Variants in AFF2 observed in about 807,000 individuals in gnomAD.
AFF2 encodes AF4/FMR2 family member 2.
In AFF2, 14 loss-of-function variants were observed where a neutral mutation model predicts 76.9. That is an observed-to-expected ratio of 0.18 (90% CI 0.12 to 0.28). The LOEUF (loss-of-function observed/expected upper bound fraction) is 0.28. AFF2 is among the 10% of genes least tolerant of loss of function. The pLI is 1.00. For synonymous variants in AFF2, 398 were observed against 366.7 expected (o/e 1.09, Z -0.98); for missense variants, 868 against 1,001.1 (o/e 0.87, Z 1.79).
At chrX:148,634,135 G>T (rs911252649) in intron 1 of AFF2, among the ~76,000 whole-genome samples, 2 of 111,445 alleles carry the variant, frequency 1.8e-5, no homozygotes, top group Non-Finnish European at 3.8e-5. Flanking sequence ...TTGTTTTCAC[G>T]CTCAATTTTC....
At position 148,955,879 on chromosome X, in the gene AFF2, C is replaced by G. The variant is rs376847375; in HGVS notation, c.1834C>G (p.His612Asp). 295 of 1,209,578 alleles carry G rather than the reference C, an allele frequency of 2.4e-4. No homozygotes were observed. The highest frequency in any genetic ancestry group is 3.2e-4 in the Non-Finnish European group (286 of 895,227). ...AATTCCAGAAACAAAGGCTTTGAAGCATAAGTTGTCAACAACTAGTGAGAC... is the reference window on the plus strand; with the variant it reads ...AATTCCAGAAACAAAGGCTTTGAAGGATAAGTTGTCAACAACTAGTGAGAC... ...QKIPETKALKHKLSTTSETVS... is the reference protein window; with the variant it reads ...QKIPETKALKDKLSTTSETVS... The change falls in exon 11 of 21, where the codon CAT becomes GAT. Residue 612 changes from histidine to aspartate, a missense_variant. Transcript: ENST00000370460.
intron 3 of AFF2, among the ~76,000 whole-genome samples, chrX:148,694,621 G>C (rs991161138): frequency 2.9e-4 from 32 of 111,526 alleles, no homozygotes; most frequent in African/African-American, 1.0e-3. Flanking sequence ...ATGTTTTGCT[G>C]CTTTAACTCC....
At chrX:148,710,175 G>C (rs1557262787) in intron 3 of AFF2, among the ~76,000 whole-genome samples, 1 of 111,973 alleles carries the variant, frequency 8.9e-6, no homozygotes, top group African/African-American at 3.2e-5. Context: ...CATTCAACTA[G>C]TGATGAAATT....
At chrX:148,739,887 T>C (rs7056398) in intron 3 of AFF2, among the ~76,000 whole-genome samples, 7,033 of 111,533 alleles carry the variant, frequency 0.063, 277 homozygotes, top group African/African-American at 0.14. Context: ...AAAAAGACTG[T>C]ATCTTTCCTT....
intron 3 of AFF2, among the ~76,000 whole-genome samples, chrX:148,694,634 G>A (rs184658729): frequency 9.0e-6 from 1 of 111,550 alleles, no homozygotes; most frequent in African/African-American, 3.3e-5. Context: ...TTAACTCCAA[G>A]AGATAAATGT....
At position 148,782,248 on chromosome X, in the gene AFF2, T is replaced by C. The variant is rs918109710; in HGVS notation, c.1042-27628T>C. ...CGTGGACATATCTTTTGGGAACCAT[T>C]TTCTGATCTTCCACAAAGGATATCC... is the stretch of plus-strand genomic sequence containing the variant. On this transcript the variant is annotated intron_variant, in intron 3 of 20. Coordinates refer to ENST00000370460, the MANE Select transcript of AFF2 (RefSeq NM_002025.4). 2.7e-5 allele frequency among the ~76,000 whole-genome samples: 3 copies of C among 112,056 alleles called. No homozygotes were observed. In the Admixed American group the frequency reaches 2.8e-4, roughly 11 times the overall value.
chrX:148,791,227 T>C (rs956857306), intron 3 of AFF2, among the ~76,000 whole-genome samples: 73 of 111,361 alleles, frequency 6.6e-4, no homozygotes, highest in African/African-American at 2.3e-3. Flanking sequence ...AGGAAAGAGG[T>C]TTAATTGACT....
chrX:148,956,574 T>C lies in AFF2; in HGVS notation c.2529T>C (p.Ala843=). 1 of 1,211,582 alleles carries C rather than the reference T, an allele frequency of 8.3e-7. No individual in the cohort carries two copies. The highest frequency in any genetic ancestry group is 1.1e-6 in the Non-Finnish European group (1 of 895,475). ...TKPKRQTAVT[A]VEKPAPKGKR... ...CCAAGCGTCAGACAGCTGTCACAGC[T>C]GTGGAGAAACCAGCCCCTAAGGGCA... The change falls in exon 11 of 21, where the codon GCT becomes GCC. Residue 843 remains alanine (A), a synonymous_variant. Coordinates refer to ENST00000370460, the MANE Select transcript of AFF2 (RefSeq NM_002025.4).
At chrX:148,540,984 A>C (rs1487082745) in intron 1 of AFF2, among the ~76,000 whole-genome samples, 2 of 112,214 alleles carry the variant, frequency 1.8e-5, no homozygotes, top group African/African-American at 6.5e-5. Context: ...AAAATTAGAG[A>C]TCTTTCAGCT....
chrX:148,726,885 G>A (rs1735182097), intron 3 of AFF2, among the ~76,000 whole-genome samples: 1 of 111,173 alleles, frequency 9.0e-6, no homozygotes, highest in African/African-American at 3.3e-5. Flanking sequence ...GGGCACACAT[G>A]GTCCCCATGC....
At chrX:148,739,624 A>G (rs1557265445) in intron 3 of AFF2, among the ~76,000 whole-genome samples, 4 of 111,963 alleles carry the variant, frequency 3.6e-5, no homozygotes. Context: ...GGCCATTTAC[A>G]TTCAATGTTA....
intron 1 of AFF2, among the ~76,000 whole-genome samples, chrX:148,592,177 G>C (rs1369428118): frequency 8.9e-6 from 1 of 111,782 alleles, no homozygotes; most frequent in South Asian, 3.7e-4. Context: ...GACTCCAGTT[G>C]TTTTTTATCT....
At chrX:148,501,383 T>G (rs1557231826) in intron 1 of AFF2, among the ~76,000 whole-genome samples, 1 of 112,445 alleles carries the variant, frequency 8.9e-6, no homozygotes, top group Non-Finnish European at 1.9e-5. Context: ...GCTCCAAGTC[T>G]AAAGAGTTGC....
intron 3 of AFF2, among the ~76,000 whole-genome samples, chrX:148,766,215 T>C (rs2124593339): frequency 9.1e-6 from 1 of 110,007 alleles, no homozygotes; most frequent in Non-Finnish European, 1.9e-5. Context: ...TTTGGGTATA[T>C]ACCCAGTAAT....
intron 4 of AFF2, among the ~76,000 whole-genome samples, chrX:148,825,747 GTT>G (rs575960026): frequency 1.3e-4 from 12 of 89,093 alleles, no homozygotes; most frequent in African/African-American, 3.7e-4. Context: ...TCTGACCAGG[GTT>G]TTTTTTTTTT....
chrX:148,663,163 A>G (rs1252425273), intron 3 of AFF2, among the ~76,000 whole-genome samples: 1 of 112,354 alleles, frequency 8.9e-6, no homozygotes, highest in Admixed American at 9.4e-5. Context: ...ACTCAGTAGC[A>G]TATTCTAAAC....
At chrX:148,625,716 G>T (rs186812104) in intron 1 of AFF2, among the ~76,000 whole-genome samples, 63 of 111,620 alleles carry the variant, frequency 5.6e-4, no homozygotes, top group Non-Finnish European at 1.1e-3. Context: ...AAAGATAGAG[G>T]ATCCTTCAGC....
At chrX:148,732,695 G>A (rs1230943016) in intron 3 of AFF2, among the ~76,000 whole-genome samples, 1 of 108,581 alleles carries the variant, frequency 9.2e-6, no homozygotes, top group Non-Finnish European at 1.9e-5. Flanking sequence ...TAGAATGGGA[G>A]TACCTAGTAC....
At chrX:148,595,106 T>A (rs1245074577) in intron 1 of AFF2, among the ~76,000 whole-genome samples, 1 of 111,710 alleles carries the variant, frequency 9.0e-6, no homozygotes, top group Non-Finnish European at 1.9e-5. Flanking sequence ...TATCATGCAA[T>A]GGGACAGAAT....
Sources: allele counts gnomAD v4.1 joint callset (sites outside exome capture counted in the v4.1 genomes callset), GRCh38; gene constraint gnomAD v4.1.1; transcripts MANE v1.5; gene names NCBI Gene and HGNC (gene_info 2026-07-23, HGNC 2026-07-21).